The following HEATR4 variants were observed in gnomAD, a reference collection of about 807,000 sequenced individuals.
HEATR4 encodes HEAT repeat-containing protein 4.
Under a neutral mutation model 108.8 loss-of-function variants are expected in HEATR4, and 95 were observed. The ratio of observed to expected loss-of-function variants is 0.87; its 90% CI spans 0.74 to 1.04. The LOEUF (loss-of-function observed/expected upper bound fraction) is 1.04. HEATR4 is among the 50% of genes least tolerant of loss of function. The pLI is 0.00. For synonymous variants in HEATR4, 443 were observed against 459.4 expected (o/e 0.96, Z 0.46); for missense variants, 1,152 against 1,253.8 (o/e 0.92, Z 1.23).
chr14:73,571,801 A>G, the HEATR4 span: 2 of 152,120 alleles, frequency 1.3e-5, no homozygotes, highest in Non-Finnish European at 2.9e-5. Context: ...TTCGCACAGT[A>G]TGTTAAGATT....
the HEATR4 span, among the ~76,000 whole-genome samples, chr14:73,598,092 T>C: frequency 2.7e-5 from 4 of 149,720 alleles, no homozygotes; most frequent in Non-Finnish European, 5.9e-5. Flanking sequence ...ATGGGAGACC[T>C]GCCGGGTGCA....
At chr14:73,547,607 A>T (rs983596696) in intron 1 of HEATR4, among the ~76,000 whole-genome samples, 1 of 115,520 alleles carries the variant, frequency 8.7e-6, no homozygotes, top group Non-Finnish European at 1.9e-5. Flanking sequence ...AACATGGACC[A>T]GGCACAGTAG....
intron 2 of HEATR4, chr14:73,527,379 A>C (rs1357663016): frequency 6.6e-6 from 1 of 152,048 alleles, no homozygotes; most frequent in Non-Finnish European, 1.5e-5. Flanking sequence ...TCAAAATAGT[A>C]GTCTTGAAGA....
the HEATR4 span, among the ~76,000 whole-genome samples, chr14:73,590,504 T>C: frequency 6.6e-6 from 1 of 152,140 alleles, no homozygotes; most frequent in Admixed American, 6.5e-5. Flanking sequence ...GGGCGGTCGA[T>C]GGGACTGGGC....
At chr14:73,512,282 G>C in intron 6 of HEATR4, 133 bp from the exon 7 acceptor site, 4 of 961,666 alleles carry the variant, frequency 4.2e-6, no homozygotes, top group South Asian at 1.7e-5. Flanking sequence ...AGAATAAAGG[G>C]CCCAGAGATG....
the HEATR4 span, among the ~76,000 whole-genome samples, chr14:73,585,875 C>T: frequency 1.5e-5 from 2 of 136,582 alleles, no homozygotes; most frequent in East Asian, 4.3e-4. Context: ...GGCTGGAGTG[C>T]AGCAGCGCAA....
chr14:73,604,309 C>T, the HEATR4 span, among the ~76,000 whole-genome samples: 5 of 150,562 alleles, frequency 3.3e-5, no homozygotes, highest in Admixed American at 2.7e-4. Flanking sequence ...GGACTACAGG[C>T]GCCTGCCACC....
intron 3 of HEATR4, 52 bp from the exon 4 acceptor site, chr14:73,521,091 C>T: frequency 6.7e-7 from 1 of 1,488,624 alleles, no homozygotes; most frequent in Non-Finnish European, 9.3e-7. Flanking sequence ...GGAGGTGGAT[C>T]CCCCTTTCCA....
At chr14:73,500,472 C>T in intron 12 of HEATR4, 78 bp downstream of exon 12, 1 of 1,415,590 alleles carries the variant, frequency 7.1e-7, no homozygotes, top group Non-Finnish European at 9.7e-7. Context: ...GAATGTTGAG[C>T]ATACTGTGCA....
At chr14:73,620,419 G>A in the HEATR4 span, among the ~76,000 whole-genome samples, 3 of 152,166 alleles carry the variant, frequency 2.0e-5, no homozygotes, top group Non-Finnish European at 4.4e-5. Flanking sequence ...TCCCAACTCA[G>A]TTGCTGGCCC....
Position 73,492,259 on chromosome 14 carries a change from CTCT to C in HEATR4, c.2844+804_2844+806del. 2 of 1,614,032 alleles carry C rather than the reference CTCT, an allele frequency of 1.2e-6. No individual in the cohort carries two copies. Among genetic ancestry groups the C allele is most frequent in the Non-Finnish European group, 1.7e-6 (2 of 1,179,898 alleles). On this transcript the variant is annotated intron_variant, in intron 17 of 17. Transcript: ENST00000553558. The surrounding 1 kb of genome is among the most constrained non-coding windows in gnomAD (Gnocchi z 4.9). Reference sequence around the variant, plus strand: ...AAGCTGAATGCCAGGATGGAGTCCACTCTCTGCACCTCACCTTGTCCACGTACC... The same window carrying C: ...AAGCTGAATGCCAGGATGGAGTCCACCTGCACCTCACCTTGTCCACGTACC...
At chr14:73,518,541 A>G (rs987021537) in intron 5 of HEATR4, among the ~76,000 whole-genome samples, 1 of 152,278 alleles carries the variant, frequency 6.6e-6, no homozygotes, top group Admixed American at 6.5e-5. Flanking sequence ...ATTTTGTTTC[A>G]TAAGCTAATT....
At chr14:73,619,489 CA>C in the HEATR4 span, 1 of 1,614,216 alleles carries the variant, frequency 6.2e-7, no homozygotes, top group South Asian at 1.1e-5. Flanking sequence ...ACACAATCAC[CA>C]AAGTCTTGTT....
At chr14:73,489,264 G>A (rs1243428486) in intron 17 of HEATR4, among the ~76,000 whole-genome samples, 2 of 152,092 alleles carry the variant, frequency 1.3e-5, no homozygotes, top group African/African-American at 4.8e-5. Flanking sequence ...TCCCTATGGA[G>A]ACAATATCAC....
chr14:73,595,041 T>C, the HEATR4 span: 2 of 1,612,296 alleles, frequency 1.2e-6, no homozygotes, highest in African/African-American at 1.3e-5. Context: ...TCTCTTCTTT[T>C]CTTCCAGGTA....
chr14:73,511,303 A>G (rs891462710), intron 7 of HEATR4, among the ~76,000 whole-genome samples: 1 of 151,948 alleles, frequency 6.6e-6, no homozygotes, highest in African/African-American at 2.4e-5. Flanking sequence ...ACTTGAGGTC[A>G]GGAGTTCAAG....
At chr14:73,508,085 G>T in intron 9 of HEATR4, 49 bp downstream of exon 9, 1 of 1,556,908 alleles carries the variant, frequency 6.4e-7, no homozygotes, top group Non-Finnish European at 8.8e-7. Flanking sequence ...TGACCTCAAA[G>T]ACCTAATTGC....
chr14:73,505,342 C>A (rs1886740544), intron 10 of HEATR4, among the ~76,000 whole-genome samples: 1 of 152,018 alleles, frequency 6.6e-6, no homozygotes. Context: ...TCTTATTGTT[C>A]CTACCATAGT....
the HEATR4 span, among the ~76,000 whole-genome samples, chr14:73,615,388 TA>T: frequency 0.016 from 1,030 of 63,324 alleles, 26 homozygotes; most frequent in African/African-American, 0.095. Context: ...CTCTGTCTGA[TA>T]AAAAAAAAAA....
Sources: gnomAD v4.1 joint callset for allele counts (sites outside exome capture counted in the v4.1 genomes callset) on GRCh38, gnomAD v4.1.1 for gene constraint, Gnocchi (gnomAD v3.1) non-coding constraint, MANE v1.5 for transcripts, NCBI Gene and HGNC (gene_info 2026-07-23, HGNC 2026-07-21) for gene names.